The following MEIOB variants were observed in gnomAD, a reference collection of about 807,000 sequenced individuals.
The protein encoded by MEIOB is meiosis specific with OB-fold.
A neutral mutation model predicts 53.1 loss-of-function variants in MEIOB; 50 were observed. The observed-to-expected ratio is 0.94, with a 90% CI of 0.75 to 1.19. The LOEUF is 1.19. Among genes scored for constraint, MEIOB ranks in the 50% most tolerant of loss-of-function variants. The probability of loss-of-function intolerance (pLI) is 0.00; values close to 1 mark genes in which losing one functional copy is unlikely to be tolerated. For missense variants in MEIOB, 551 were observed against 550.8 expected, an observed-to-expected ratio of 1.00 and a Z score of 0.00; for synonymous variants, 192 against 182.5, an observed-to-expected ratio of 1.05 and a Z score of -0.42.
In MEIOB at chr16:1,862,070, T is replaced by C. The variant is rs1567280673; in HGVS notation, c.174A>G (p.Ser58=). ...AAGCTGCATTTACAAAATGTGCTGGTGAATCCCGAATGGTGAAGCTGAAAG... is the reference window on the plus strand; with the variant it reads ...AAGCTGCATTTACAAAATGTGCTGGCGAATCCCGAATGGTGAAGCTGAAAG... ...RYTFSFTIRD[S]PAHFVNAASW... is the part of the protein sequence containing the mutation. The change falls in exon 4 of 14, where the codon TCA becomes TCG. Residue 58 remains serine, a synonymous_variant. Transcript: ENST00000325962. 1 of 1,551,442 alleles carries C rather than the reference T, an allele frequency of 6.4e-7. No homozygotes were observed. The highest frequency in any genetic ancestry group is 8.7e-7 in the Non-Finnish European group (1 of 1,146,756).
rs1362565402 is a variant in MEIOB at position 1,841,885 on chromosome 16, G to A, written c.969C>T (p.Ile323=). The A allele has an allele frequency of 3.1e-6, 5 of 1,607,090 alleles. No homozygotes were observed. Among genetic ancestry groups the A allele is most frequent in the Non-Finnish European group, 4.3e-6 (5 of 1,176,370 alleles). The change falls in exon 11 of 14, where the codon ATC becomes ATT. Residue 323 remains isoleucine (I), a synonymous_variant. Transcript: ENST00000325962. The part of the protein sequence containing the change: ...NEGKADPSYG[I]LYAYISTLNI... ...TGAGTGTGGAAATGTAGGCATAAAGGATGCCATAGGAAGGATCAGCTTTTC... is the reference window on the plus strand; with the variant it reads ...TGAGTGTGGAAATGTAGGCATAAAGAATGCCATAGGAAGGATCAGCTTTTC...
chr16:1,844,474 C>T (rs1898984341), intron 10 of MEIOB, among the ~76,000 whole-genome samples: 2 of 151,820 alleles, frequency 1.3e-5, no homozygotes, highest in Non-Finnish European at 2.9e-5. Context: ...GAGATACAGT[C>T]TTGTTCTGAC....
chr16:1,855,422 G>C (rs140036461), intron 6 of MEIOB, among the ~76,000 whole-genome samples: 1,875 of 151,982 alleles, frequency 0.012, 33 homozygotes, highest in African/African-American at 0.043. Flanking sequence ...CTGGGTGACA[G>C]AGCAAGACTC....
intron 9 of MEIOB, among the ~76,000 whole-genome samples, chr16:1,846,160 CGAAT>C (rs1567274916): frequency 1.3e-5 from 2 of 152,090 alleles, no homozygotes. Context: ...AGGTCATGGG[CGAAT>C]GAATGAATGC....
chr16:1,868,013 AT>A, intron 2 of MEIOB, 93 bp downstream of exon 2: 1 of 681,280 alleles, frequency 1.5e-6, no homozygotes, highest in Admixed American at 2.5e-5. Flanking sequence ...CTTGCCAATT[AT>A]AAAAGCATGT....
rs541609337 is a variant in MEIOB, at chr16:1,856,789, G to A, written c.528+946C>T. 2.2e-3 allele frequency among the ~76,000 whole-genome samples: 249 copies of A among 113,806 alleles called. 1 individual carries two copies. The highest frequency in any genetic ancestry group is 8.3e-3 in the African/African-American group (242 of 29,282). 74.7% of individuals were successfully genotyped at this position (113,806 alleles called of 152,430 possible). A position where few individuals can be genotyped will look rare whatever the true frequency, so the allele number is the denominator to read the frequency against. ...TTTTTTTTTTTTTTTTTTGAGACAG[G>A]GTCTCCCTCTATTGCCCAGGCTGGA... is the stretch of plus-strand genomic sequence containing the variant. On this transcript the variant is annotated intron_variant, in intron 6 of 13. Coordinates refer to ENST00000325962, the MANE Select transcript of MEIOB (RefSeq NM_001163560.3).
intron 9 of MEIOB, among the ~76,000 whole-genome samples, chr16:1,852,103 CATGT>C (rs1210345828): frequency 6.6e-6 from 1 of 152,132 alleles, no homozygotes; most frequent in Non-Finnish European, 1.5e-5. Context: ...TGCACGCATG[CATGT>C]GTTATCAATG....
chr16:1,834,932 TCCCCCCCACC>T (rs978211273), intron 13 of MEIOB, among the ~76,000 whole-genome samples: 1 of 106,216 alleles, frequency 9.4e-6, no homozygotes, highest in African/African-American at 3.5e-5. Context: ...CGAAACTCTG[TCCCCCCCACC>T]CCCCCCCACT....
chr16:1,841,559 G>C (rs1490633760), intron 11 of MEIOB, among the ~76,000 whole-genome samples: 2 of 152,052 alleles, frequency 1.3e-5, no homozygotes, highest in African/African-American at 2.4e-5. Context: ...CAAATCATTA[G>C]ACAAGTTTGT....
At chr16:1,855,795 C>T (rs1020504216) in intron 6 of MEIOB, among the ~76,000 whole-genome samples, 1 of 152,214 alleles carries the variant, frequency 6.6e-6, no homozygotes, top group Non-Finnish European at 1.5e-5. Context: ...TATACAGATG[C>T]TCCCCAGGTG....
chr16:1,866,841 C>T (rs1899606496), intron 2 of MEIOB, among the ~76,000 whole-genome samples: 1 of 152,200 alleles, frequency 6.6e-6, no homozygotes, highest in Admixed American at 6.5e-5. Context: ...ATAATCTTGA[C>T]ATTTAAATTA....
intron 9 of MEIOB, among the ~76,000 whole-genome samples, chr16:1,847,027 C>A (rs1296465304): frequency 6.6e-6 from 1 of 151,830 alleles, no homozygotes; most frequent in Non-Finnish European, 1.5e-5. Context: ...TGGTGGCACA[C>A]ACCTGTAGTC....
intron 1 of MEIOB, among the ~76,000 whole-genome samples, chr16:1,871,089 AC>A: frequency 6.6e-6 from 1 of 152,258 alleles, no homozygotes; most frequent in East Asian, 1.9e-4. Flanking sequence ...GTGTCTGCCC[AC>A]AAAAAATATG....
chr16:1,837,791 TAA>T lies in MEIOB; in HGVS notation c.1296_1297del (p.Tyr433PhefsTer16), dbSNP rs1206402990. On this transcript the variant is annotated frameshift_variant, in exon 13 of 14. Transcript: ENST00000325962. LOFTEE classifies it high-confidence loss of function. Reference sequence around the variant, plus strand: ...ACTATAAAATGCACTAACTTTTAAATAAATTTTGCTTCTTTCCAAGAGAAATT... The same window carrying T: ...ACTATAAAATGCACTAACTTTTAAATATTTTGCTTCTTTCCAAGAGAAATT... 1 of 1,505,326 alleles carries T rather than the reference TAA, an allele frequency of 6.6e-7. No individual in the cohort carries two copies. The highest frequency in any genetic ancestry group is 9.0e-7 in the Non-Finnish European group (1 of 1,113,746). The allele number at this position is 1,505,326 out of a possible 1,614,324, so 93.2% of individuals were successfully genotyped here. A position where few individuals can be genotyped will look rare whatever the true frequency, so the allele number is the denominator to read the frequency against.
In MEIOB at chr16:1,872,160, G is replaced by T. The variant is rs1174256476; in HGVS notation, c.-177C>A. 1 of 152,188 alleles carries T rather than the reference G, an allele frequency of 6.6e-6. No homozygotes were observed. The allele number at this position is 152,188 out of a possible 1,614,324, so 9.4% of individuals were successfully genotyped here. ...ACGGCCGCGCGACCGTTAGCGCGAG[G>T]CCCCGCCCCGTCCTCAGCGACTCCG... On this transcript the variant is annotated 5_prime_UTR_variant, in exon 1 of 14. Coordinates refer to ENST00000325962, the MANE Select transcript of MEIOB (RefSeq NM_001163560.3).
intron 7 of MEIOB, 43 bp from the exon 8 acceptor site, chr16:1,853,314 G>GA: frequency 1.6e-5 from 22 of 1,357,820 alleles, no homozygotes; most frequent in Non-Finnish European, 2.3e-5. Context: ...GAATACACTA[G>GA]AAAAAACTGA....
intron 5 of MEIOB, among the ~76,000 whole-genome samples, chr16:1,859,307 C>T (rs917487960): frequency 3.3e-5 from 5 of 152,098 alleles, no homozygotes; most frequent in Non-Finnish European, 5.9e-5. Context: ...TTTGGGAGGC[C>T]GAGGCGGGCG....
At chr16:1,838,103 C>A in intron 12 of MEIOB, 1 of 663,864 alleles carries the variant, frequency 1.5e-6, no homozygotes, top group Non-Finnish European at 2.5e-6. Flanking sequence ...GTCAAGCAAT[C>A]CTCCCTCAGC....
At chr16:1,869,746 C>T (rs1475571504) in intron 1 of MEIOB, among the ~76,000 whole-genome samples, 1 of 151,976 alleles carries the variant, frequency 6.6e-6, no homozygotes, top group Admixed American at 6.6e-5. Context: ...CCACCACGCC[C>T]GGCCTCAGTG....
Sources: gnomAD v4.1 joint callset for allele counts (sites outside exome capture counted in the v4.1 genomes callset) on GRCh38, gnomAD v4.1.1 for gene constraint, MANE v1.5 for transcripts, NCBI Gene and HGNC (gene_info 2026-07-23, HGNC 2026-07-21) for gene names.